The following MARCHF1 variants were observed in gnomAD, a reference collection of about 807,000 sequenced individuals.
MARCHF1 encodes the protein E3 ubiquitin-protein ligase MARCHF1.
A neutral mutation model predicts 54.2 loss-of-function variants in MARCHF1; 40 were observed. That is an observed-to-expected ratio of 0.74 (90% CI 0.57 to 0.96). The LOEUF (loss-of-function observed/expected upper bound fraction) is 0.96, where lower values mean the gene tolerates loss of function less well. MARCHF1 is among the 40% of genes least tolerant of loss of function. The pLI, the probability that MARCHF1 is intolerant of heterozygous loss-of-function variation, is 0.00. For missense variants in MARCHF1, 586 were observed against 656.5 expected (o/e 0.89, Z 1.17); for synonymous variants, 236 against 236.3 (o/e 1.00, Z 0.01).
chr4:164,335,862 G>A (rs1032975888), intron 1 of MARCHF1, among the ~76,000 whole-genome samples: 5 of 152,048 alleles, frequency 3.3e-5, no homozygotes, highest in Admixed American at 3.3e-4. Context: ...ACTTTATTGG[G>A]ATATTTGCTT....
chr4:163,755,171 G>A (rs953316879), intron 4 of MARCHF1, among the ~76,000 whole-genome samples: 1 of 152,256 alleles, frequency 6.6e-6, no homozygotes. Context: ...ATCTTGTCCA[G>A]TATGTCAATA....
chr4:164,174,304 G>C (rs1730606100), intron 1 of MARCHF1, among the ~76,000 whole-genome samples: 1 of 152,212 alleles, frequency 6.6e-6, no homozygotes, highest in African/African-American at 2.4e-5. Flanking sequence ...TGTTATGTAA[G>C]TAATGGGGTT....
intron 2 of MARCHF1, among the ~76,000 whole-genome samples, chr4:164,062,464 A>G (rs1033306029): frequency 6.6e-6 from 1 of 152,108 alleles, no homozygotes; most frequent in Non-Finnish European, 1.5e-5. Context: ...GTCCAGATCC[A>G]TCAGAGAAAT....
At chr4:164,179,030 C>G (rs991002790) in intron 1 of MARCHF1, among the ~76,000 whole-genome samples, 1 of 152,116 alleles carries the variant, frequency 6.6e-6, no homozygotes, top group Non-Finnish European at 1.5e-5. Context: ...GGCACGCAGA[C>G]TCTCCCTGTG....
chr4:164,240,095 A>G (rs1415919781), intron 1 of MARCHF1, among the ~76,000 whole-genome samples: 5 of 152,142 alleles, frequency 3.3e-5, no homozygotes, highest in African/African-American at 1.2e-4. Flanking sequence ...TCATCTCAAG[A>G]TCTGTATGAC....
intron 4 of MARCHF1, among the ~76,000 whole-genome samples, chr4:163,805,213 T>G (rs1246747764): frequency 1.3e-5 from 2 of 152,176 alleles, no homozygotes; most frequent in African/African-American, 4.8e-5. Context: ...CTGTAAATCT[T>G]TTCACATATC....
At chr4:164,254,508 A>G (rs1450965277) in intron 1 of MARCHF1, among the ~76,000 whole-genome samples, 3 of 151,596 alleles carry the variant, frequency 2.0e-5, no homozygotes, top group Admixed American at 6.6e-5. Context: ...GTATACATAT[A>G]TAGTTAATAC....
intron 1 of MARCHF1, among the ~76,000 whole-genome samples, chr4:164,123,147 A>T (rs1308201184): frequency 6.6e-6 from 1 of 152,160 alleles, no homozygotes; most frequent in Non-Finnish European, 1.5e-5. Context: ...AAAAACCAGT[A>T]GCCTTTCTAT....
intron 2 of MARCHF1, among the ~76,000 whole-genome samples, chr4:164,072,632 TAAAAG>T (rs1445743440): frequency 1.4e-5 from 2 of 147,782 alleles, no homozygotes; most frequent in Non-Finnish European, 3.0e-5. Flanking sequence ...TTCCTCTCCC[TAAAAG>T]AAAATTTAAA....
Position 164,045,515 on chromosome 4 carries a change from A to T in MARCHF1, c.-247-56806T>A, listed in dbSNP as rs1754223433. Among the ~76,000 whole-genome samples the T allele has an allele frequency of 1.8e-4, 6 of 33,320 alleles. No homozygotes were observed. In the South Asian group the frequency reaches 5.3e-3, roughly 29 times the overall value. The allele number at this position is 33,320 out of a possible 152,430, so 21.9% of individuals were successfully genotyped here. A position where few individuals can be genotyped will look rare whatever the true frequency, so the allele number is the denominator to read the frequency against. ...TGGTGGAGTGAGACTCCATCTTTAAATAAATAAATAAATAAATAAATAAAT... is the reference window on the plus strand; with the variant it reads ...TGGTGGAGTGAGACTCCATCTTTAATTAAATAAATAAATAAATAAATAAAT... On this transcript the variant is annotated intron_variant, in intron 2 of 9. Transcript: ENST00000514618.
chr4:163,685,590 G>T (rs1192155003), intron 5 of MARCHF1, among the ~76,000 whole-genome samples: 2 of 152,138 alleles, frequency 1.3e-5, no homozygotes, highest in African/African-American at 2.4e-5. Flanking sequence ...AAGCAGCTGG[G>T]ATTACAGGCA....
At chr4:163,533,198 A>G (rs1168151448) in intron 9 of MARCHF1, among the ~76,000 whole-genome samples, 1 of 151,998 alleles carries the variant, frequency 6.6e-6, no homozygotes, top group Non-Finnish European at 1.5e-5. Context: ...TCAAGCTACA[A>G]AAGGACACGA....
chr4:164,115,860 G>A (rs1342300684), intron 1 of MARCHF1, among the ~76,000 whole-genome samples: 1 of 151,998 alleles, frequency 6.6e-6, no homozygotes, highest in African/African-American at 2.4e-5. Context: ...TTTGGAAGAT[G>A]TCATAGTTCC....
At chr4:164,348,130 G>A (rs75567105) in intron 1 of MARCHF1, among the ~76,000 whole-genome samples, 1 of 152,056 alleles carries the variant, frequency 6.6e-6, no homozygotes, top group Admixed American at 6.6e-5. Context: ...ATGAAAAAGA[G>A]AGAGATAAAA....
At chr4:164,266,802 T>C (rs1733622354) in intron 1 of MARCHF1, among the ~76,000 whole-genome samples, 1 of 152,160 alleles carries the variant, frequency 6.6e-6, no homozygotes, top group Non-Finnish European at 1.5e-5. Flanking sequence ...TATAACAAAA[T>C]GATATAGACA....
At chr4:164,373,352 C>CTTTTTTTT (rs5863683) in intron 1 of MARCHF1, among the ~76,000 whole-genome samples, 12 of 91,610 alleles carry the variant, frequency 1.3e-4, no homozygotes, top group African/African-American at 1.7e-4. Flanking sequence ...TGAAAAACTA[C>CTTTTTTTT]TTTTTTTTTT....
intron 2 of MARCHF1, among the ~76,000 whole-genome samples, chr4:164,035,809 G>A (rs1332413018): frequency 2.0e-5 from 3 of 151,366 alleles, no homozygotes; most frequent in Non-Finnish European, 2.9e-5. Context: ...GGCCGGGTGC[G>A]GTGGCTTACG....
intron 8 of MARCHF1, among the ~76,000 whole-genome samples, chr4:163,561,955 T>C (rs1228489024): frequency 6.6e-6 from 1 of 152,114 alleles, no homozygotes; most frequent in Non-Finnish European, 1.5e-5. Flanking sequence ...TGTCAACCCT[T>C]TCTCATCTTT....
intron 1 of MARCHF1, among the ~76,000 whole-genome samples, chr4:164,272,983 T>A (rs905002093): frequency 1.3e-5 from 2 of 152,014 alleles, no homozygotes; most frequent in African/African-American, 4.8e-5. Context: ...ATTATAAATA[T>A]ATGTACATAT....
Sources: allele counts gnomAD v4.1 joint callset (sites outside exome capture counted in the v4.1 genomes callset), GRCh38; gene constraint gnomAD v4.1.1; transcripts MANE v1.5; gene names NCBI Gene and HGNC (gene_info 2026-07-23, HGNC 2026-07-21).